The following DENND1A variants were observed in gnomAD, a reference collection of about 807,000 sequenced individuals.
The protein encoded by DENND1A is DENN domain-containing protein 1A.
Under a neutral mutation model 113.7 loss-of-function variants are expected in DENND1A, and 51 were observed. The observed-to-expected ratio is 0.45, with a 90% CI of 0.36 to 0.57. The LOEUF is 0.57. Ranked by LOEUF, DENND1A falls within the 20% of genes least tolerant of loss-of-function variation. The pLI is 0.00. For synonymous variants in DENND1A, 565 were observed against 570.8 expected, an observed-to-expected ratio of 0.99 and a Z score of 0.14; for missense variants, 1,258 against 1,395.9, an observed-to-expected ratio of 0.90 and a Z score of 1.57.
At chr9:123,858,226 C>T (rs1015015202) in intron 2 of DENND1A, among the ~76,000 whole-genome samples, 1 of 152,170 alleles carries the variant, frequency 6.6e-6, no homozygotes, top group African/African-American at 2.4e-5. Context: ...CACTTTGATA[C>T]CACATTGTGG....
intron 2 of DENND1A, among the ~76,000 whole-genome samples, chr9:123,799,171 TA>T (rs1564291816): frequency 6.6e-6 from 1 of 152,162 alleles, no homozygotes; most frequent in Non-Finnish European, 1.5e-5. Context: ...TATTCAAATA[TA>T]AAAAAACTAT....
chr9:123,776,141 G>A (rs1048379971), intron 3 of DENND1A, among the ~76,000 whole-genome samples: 4 of 152,184 alleles, frequency 2.6e-5, no homozygotes, highest in South Asian at 2.1e-4. Flanking sequence ...GCAAACACCC[G>A]TCGGTGGCAT....
chr9:123,577,824 C>T (rs1295718843), intron 12 of DENND1A, among the ~76,000 whole-genome samples: 1 of 152,214 alleles, frequency 6.6e-6, no homozygotes, highest in Non-Finnish European at 1.5e-5. Flanking sequence ...AAAGCCCTCT[C>T]TTGTGCCTCT....
intron 13 of DENND1A, among the ~76,000 whole-genome samples, chr9:123,513,549 A>C (rs941223163): frequency 1.3e-5 from 2 of 152,216 alleles, no homozygotes; most frequent in African/African-American, 4.8e-5. Context: ...GGGTCTGAGG[A>C]CGCCAGAGCG....
At chr9:123,684,382 T>A (rs2064671074) in intron 5 of DENND1A, among the ~76,000 whole-genome samples, 1 of 152,064 alleles carries the variant, frequency 6.6e-6, no homozygotes, top group East Asian at 1.9e-4. Flanking sequence ...GCTCTTCCAC[T>A]CCTATACTTC....
At chr9:123,892,677 A>G (rs1036992117) in intron 1 of DENND1A, among the ~76,000 whole-genome samples, 10 of 152,216 alleles carry the variant, frequency 6.6e-5, no homozygotes, top group Admixed American at 6.5e-4. Context: ...TACCTATGTA[A>G]CAAACCTGCA....
chr9:123,407,474 G>A (rs1040398551), intron 20 of DENND1A, among the ~76,000 whole-genome samples: 1 of 152,046 alleles, frequency 6.6e-6, no homozygotes, highest in Non-Finnish European at 1.5e-5. Flanking sequence ...ACACACACAC[G>A]GTGGCAGACC....
intron 8 of DENND1A, among the ~76,000 whole-genome samples, chr9:123,664,316 A>G (rs576096611): frequency 2.0e-5 from 3 of 152,200 alleles, no homozygotes; most frequent in Non-Finnish European, 4.4e-5. Flanking sequence ...TTCTCAGGCC[A>G]ACTATCATTT....
Position 123,569,027 on chromosome 9 carries a change from C to G in DENND1A, c.868-11332G>C, listed in dbSNP as rs147405625. ...GGCAAAGACCTAGAGGAGCACACTT[C>G]ATTATCTAGATAGCTAGAGTAAAGA... On this transcript the variant is annotated intron_variant, in intron 12 of 23. Transcript: ENST00000394215. Among the ~76,000 whole-genome samples, 6 of 152,330 alleles carry G rather than the reference C, an allele frequency of 3.9e-5. No individual in the cohort carries two copies. In the East Asian group the frequency reaches 7.7e-4, roughly 20 times the overall value.
intron 5 of DENND1A, among the ~76,000 whole-genome samples, chr9:123,754,286 G>A (rs981597341): frequency 1.3e-5 from 2 of 152,130 alleles, no homozygotes; most frequent in African/African-American, 2.4e-5. Flanking sequence ...TGGATACACC[G>A]TCAACCAGTC....
chr9:123,502,315 C>CCCTG (rs2052561270), intron 13 of DENND1A, among the ~76,000 whole-genome samples: 1 of 130,886 alleles, frequency 7.6e-6, no homozygotes, highest in Admixed American at 7.7e-5. Flanking sequence ...CTCTAGAGAA[C>CCCTG]CCTAATACAG....
At chr9:123,560,737 AG>A (rs1175480182) in intron 12 of DENND1A, among the ~76,000 whole-genome samples, 1 of 151,626 alleles carries the variant, frequency 6.6e-6, no homozygotes, top group Non-Finnish European at 1.5e-5. Context: ...ACATACACTG[AG>A]GGGGTAGTTA....
intron 1 of DENND1A, among the ~76,000 whole-genome samples, chr9:123,883,531 C>G (rs757180172): frequency 1.3e-5 from 2 of 152,166 alleles, no homozygotes; most frequent in Non-Finnish European, 2.9e-5. Context: ...GTATTTCTAA[C>G]AAGTCTCCAA....
intron 2 of DENND1A, among the ~76,000 whole-genome samples, chr9:123,838,256 T>C (rs941121635): frequency 1.3e-5 from 2 of 151,968 alleles, no homozygotes; most frequent in Non-Finnish European, 2.9e-5. Flanking sequence ...ACTTATAAAA[T>C]GAGGACAATA....
At chr9:123,756,851 C>T (rs1203632894) in intron 5 of DENND1A, among the ~76,000 whole-genome samples, 1 of 152,164 alleles carries the variant, frequency 6.6e-6, no homozygotes, top group Non-Finnish European at 1.5e-5. Flanking sequence ...GCCTTTTATT[C>T]CCAGGCCCAG....
intron 5 of DENND1A, among the ~76,000 whole-genome samples, chr9:123,716,869 T>C (rs1242045755): frequency 6.6e-6 from 1 of 152,148 alleles, no homozygotes; most frequent in Non-Finnish European, 1.5e-5. Flanking sequence ...TTATTTAAAC[T>C]CCTCAATAAA....
intron 1 of DENND1A, among the ~76,000 whole-genome samples, chr9:123,883,042 A>G (rs1848544073): frequency 6.6e-6 from 1 of 152,078 alleles, no homozygotes; most frequent in Non-Finnish European, 1.5e-5. Context: ...CTGCTCCTCA[A>G]ACACACCAAA....
rs1054585986 is a variant in DENND1A at position 123,918,116 on chromosome 9, A to C, written c.17+11773T>G. Among the ~76,000 whole-genome samples, 4 of 150,966 alleles carry C rather than the reference A, an allele frequency of 2.6e-5. No homozygotes were observed. In the East Asian group the frequency reaches 7.8e-4, roughly 29 times the overall value. ...TCAACAGGATGAGACTCTGTCTCAA[A>C]AAAAATAAATAAATAAATAAATAAA... On this transcript the variant is annotated intron_variant, in intron 1 of 23. Coordinates refer to ENST00000394215, the MANE Select transcript of DENND1A (RefSeq NM_001352964.2).
At chr9:123,425,617 C>T (rs2045660207) in intron 19 of DENND1A, among the ~76,000 whole-genome samples, 1 of 21,276 alleles carries the variant, frequency 4.7e-5, no homozygotes. Flanking sequence ...CTTGGTCATT[C>T]CCCAAACTCT....
Sources: gnomAD v4.1 joint callset for allele counts (sites outside exome capture counted in the v4.1 genomes callset) on GRCh38, gnomAD v4.1.1 for gene constraint, MANE v1.5 for transcripts, NCBI Gene and HGNC (gene_info 2026-07-23, HGNC 2026-07-21) for gene names.